The following ST6GALNAC3 variants were observed in gnomAD, a reference collection of about 807,000 sequenced individuals.
The protein encoded by ST6GALNAC3 is ST6 N-acetylgalactosaminide alpha-2,6-sialyltransferase 3, also known as alpha-N-acetylgalactosaminide alpha-2,6-sialyltransferase 3.
A neutral mutation model predicts 32.7 loss-of-function variants in ST6GALNAC3; 25 were observed. The ratio of observed to expected loss-of-function variants is 0.76; its 90% CI spans 0.56 to 1.07. The LOEUF (loss-of-function observed/expected upper bound fraction) is 1.07. Among genes scored for constraint, ST6GALNAC3 ranks in the 50% least tolerant of loss-of-function variants. The pLI is 0.00. For missense variants in ST6GALNAC3, 355 were observed against 382.4 expected (o/e 0.93, Z 0.60); for synonymous variants, 129 against 133.1 (o/e 0.97, Z 0.21).
chr1:76,451,633 C>G (rs995613504), intron 3 of ST6GALNAC3, among the ~76,000 whole-genome samples: 7 of 152,100 alleles, frequency 4.6e-5, no homozygotes, highest in African/African-American at 1.4e-4. Context: ...GTTCTTTCAC[C>G]TCCTTGGTTA....
intron 1 of ST6GALNAC3, among the ~76,000 whole-genome samples, chr1:76,265,254 G>A (rs1203571863): frequency 2.0e-5 from 3 of 152,116 alleles, no homozygotes; most frequent in African/African-American, 7.2e-5. Flanking sequence ...GACCAACTGT[G>A]ATTTTATCAG....
At chr1:76,510,263 A>G (rs1285960518) in intron 3 of ST6GALNAC3, among the ~76,000 whole-genome samples, 1 of 152,160 alleles carries the variant, frequency 6.6e-6, no homozygotes, top group Non-Finnish European at 1.5e-5. Context: ...ATGGGTCTTC[A>G]CCATTTGGAG....
chr1:76,288,592 T>C (rs1297112937), intron 1 of ST6GALNAC3, among the ~76,000 whole-genome samples: 1 of 152,194 alleles, frequency 6.6e-6, no homozygotes, highest in Non-Finnish European at 1.5e-5. Flanking sequence ...GTAACTGCTG[T>C]GGAAGCTCAG....
intron 3 of ST6GALNAC3, among the ~76,000 whole-genome samples, chr1:76,546,854 G>T (rs746106382): frequency 6.6e-6 from 1 of 152,240 alleles, no homozygotes; most frequent in Non-Finnish European, 1.5e-5. Context: ...CACACGTTGT[G>T]TTCCCACCAC....
At chr1:76,607,803 C>T (rs1479998789) in intron 3 of ST6GALNAC3, among the ~76,000 whole-genome samples, 11 of 152,168 alleles carry the variant, frequency 7.2e-5, no homozygotes, top group Non-Finnish European at 1.6e-4. Flanking sequence ...TAGCCCAGTA[C>T]CTGTGTGTAG....
rs917641929 is a variant in ST6GALNAC3, at chr1:76,630,104, T to C, written c.*1298T>C. On this transcript the variant is annotated 3_prime_UTR_variant, in exon 5 of 5. Coordinates refer to ENST00000328299, the MANE Select transcript of ST6GALNAC3 (RefSeq NM_152996.4). ...TATTGTCTGTGTATTCTGCTCTCTTTAGCAGATGATCTGTAATTTGGTCAT... is the reference window on the plus strand; with the variant it reads ...TATTGTCTGTGTATTCTGCTCTCTTCAGCAGATGATCTGTAATTTGGTCAT... 4.1e-6 allele frequency: 4 copies of C among 985,198 alleles called. No individual in the cohort carries two copies. Among genetic ancestry groups the C allele is most frequent in the Non-Finnish European group, 4.8e-6 (4 of 829,768 alleles). 61.0% of individuals were successfully genotyped at this position (985,198 alleles called of 1,614,324 possible).
intron 3 of ST6GALNAC3, among the ~76,000 whole-genome samples, chr1:76,470,656 C>T (rs1658963837): frequency 6.6e-6 from 1 of 151,844 alleles, no homozygotes; most frequent in Admixed American, 6.6e-5. Context: ...GGGAAAAATC[C>T]AGGGTTTCTT....
At chr1:76,489,995 G>T (rs931450043) in intron 3 of ST6GALNAC3, among the ~76,000 whole-genome samples, 1 of 152,112 alleles carries the variant, frequency 6.6e-6, no homozygotes, top group African/African-American at 2.4e-5. Context: ...CAGACTTTCA[G>T]GTATGATGTA....
intron 1 of ST6GALNAC3, among the ~76,000 whole-genome samples, chr1:76,307,325 C>T (rs1293264603): frequency 6.6e-6 from 1 of 152,214 alleles, no homozygotes; most frequent in East Asian, 1.9e-4. Flanking sequence ...TATTTATATA[C>T]TCTGTGCTTT....
At chr1:76,365,015 C>A (rs1650258624) in intron 2 of ST6GALNAC3, among the ~76,000 whole-genome samples, 1 of 152,124 alleles carries the variant, frequency 6.6e-6, no homozygotes. Flanking sequence ...TTAAAAAACA[C>A]CTGCATTCAT....
intron 3 of ST6GALNAC3, among the ~76,000 whole-genome samples, chr1:76,585,635 A>C (rs1646952164): frequency 6.6e-6 from 1 of 152,120 alleles, no homozygotes; most frequent in African/African-American, 2.4e-5. Context: ...ATAATATGAA[A>C]GAAAACAGTA....
chr1:76,247,983 GATT>G (rs141528583), intron 1 of ST6GALNAC3, among the ~76,000 whole-genome samples: 10,704 of 152,058 alleles, frequency 0.07, 966 homozygotes, highest in African/African-American at 0.21. Context: ...CTGATCTGCG[GATT>G]GCAAAAATCT....
At chr1:76,301,837 GTT>G (rs554563584) in intron 1 of ST6GALNAC3, among the ~76,000 whole-genome samples, 3 of 147,534 alleles carry the variant, frequency 2.0e-5, no homozygotes, top group Non-Finnish European at 4.5e-5. Flanking sequence ...AAAAAAAGAA[GTT>G]TTTTTTTTTT....
intron 3 of ST6GALNAC3, among the ~76,000 whole-genome samples, chr1:76,565,577 G>C (rs890195583): frequency 6.6e-6 from 1 of 152,170 alleles, no homozygotes; most frequent in South Asian, 2.1e-4. Context: ...TGGAAGAAAA[G>C]GTGTCCTTCC....
At chr1:76,426,477 A>G (rs189926619) in intron 3 of ST6GALNAC3, among the ~76,000 whole-genome samples, 1 of 151,636 alleles carries the variant, frequency 6.6e-6, no homozygotes, top group South Asian at 2.1e-4. Context: ...TGGAGCTGTC[A>G]TCTCCTATGA....
chr1:76,455,873 T>G (rs1167587925), intron 3 of ST6GALNAC3, among the ~76,000 whole-genome samples: 1 of 152,184 alleles, frequency 6.6e-6, no homozygotes, highest in Non-Finnish European at 1.5e-5. Context: ...CCTTAGGAAT[T>G]GAAAGAATTA....
rs141020654 is a variant in ST6GALNAC3, at chr1:76,594,583, T to C, written c.624-32869T>C. ...AACTAAATAACAATAGATAAATAGA[T>C]GGATGGATGAATGGATGCATAGATT... On this transcript the variant is annotated intron_variant, in intron 3 of 4. Transcript: ENST00000328299. Among the ~76,000 whole-genome samples the C allele has an allele frequency of 1.5e-4, 23 of 152,308 alleles. No individual in the cohort carries two copies. In the East Asian group the frequency reaches 4.4e-3, roughly 29 times the overall value.
At chr1:76,464,420 C>A (rs1294939378) in intron 3 of ST6GALNAC3, among the ~76,000 whole-genome samples, 1 of 152,060 alleles carries the variant, frequency 6.6e-6, no homozygotes, top group Non-Finnish European at 1.5e-5. Flanking sequence ...TAGGTCAGAG[C>A]CTTCATTGTT....
chr1:76,486,280 G>T (rs1479594795), intron 3 of ST6GALNAC3, among the ~76,000 whole-genome samples: 1 of 152,144 alleles, frequency 6.6e-6, no homozygotes, highest in Non-Finnish European at 1.5e-5. Flanking sequence ...GGATATCCTT[G>T]TTAACCTTCT....
Sources: gnomAD v4.1 joint callset for allele counts (sites outside exome capture counted in the v4.1 genomes callset) on GRCh38, gnomAD v4.1.1 for gene constraint, MANE v1.5 for transcripts, NCBI Gene and HGNC (gene_info 2026-07-23, HGNC 2026-07-21) for gene names.